DLGAP1: variants seen among roughly 807,000 people sequenced by gnomAD.
DLGAP1 encodes disks large-associated protein 1.
Under a neutral mutation model 90.8 loss-of-function variants are expected in DLGAP1, and 11 were observed. That is an observed-to-expected ratio of 0.12 (90% CI 0.08 to 0.20). The LOEUF is 0.20. Ranked by LOEUF, DLGAP1 falls within the 10% of genes least tolerant of loss-of-function variation. The pLI, the probability that DLGAP1 is intolerant of heterozygous loss-of-function variation, is 1.00. For missense variants in DLGAP1, 1,050 were observed against 1,333.8 expected (o/e 0.79, Z 3.31); for synonymous variants, 558 against 540.7 (o/e 1.03, Z -0.44).
intron 1 of DLGAP1, among the ~76,000 whole-genome samples, chr18:4,328,187 T>C (rs1051510346): frequency 1.3e-5 from 2 of 152,002 alleles, no homozygotes; most frequent in Admixed American, 6.6e-5. Context: ...CTCCCAAGTA[T>C]ATGAGCAACA....
Position 3,880,131 on chromosome 18 carries a change from G to A in DLGAP1, c.-63C>T, listed in dbSNP as rs1195375332. ...GGAAGTCAGGCTCCAGACCCGTCTT[G>A]GGCAGGGATCTGGGGGAATGAAGAA... is the stretch of plus-strand genomic sequence containing the variant. On this transcript the variant is annotated 5_prime_UTR_variant, in exon 4 of 13. It introduces an in-frame stop codon into an upstream open reading frame of the 5' UTR. Coordinates refer to ENST00000315677, the MANE Select transcript of DLGAP1 (RefSeq NM_004746.4). 1.3e-6 allele frequency: 2 copies of A among 1,492,604 alleles called. No homozygotes were observed. The highest frequency in any genetic ancestry group is 2.3e-5 in the East Asian group (1 of 44,108). 92.5% of individuals were successfully genotyped at this position (1,492,604 alleles called of 1,614,324 possible). A position where few individuals can be genotyped will look rare whatever the true frequency, so the allele number is the denominator to read the frequency against.
At chr18:3,552,563 G>A (rs1417609716) in intron 9 of DLGAP1, among the ~76,000 whole-genome samples, 1 of 152,168 alleles carries the variant, frequency 6.6e-6, no homozygotes, top group Non-Finnish European at 1.5e-5. Context: ...CCTGGGGGCT[G>A]AGCGAGCCTA....
chr18:3,699,197 T>C (rs2061195508), intron 7 of DLGAP1, among the ~76,000 whole-genome samples: 1 of 151,948 alleles, frequency 6.6e-6, no homozygotes, highest in Non-Finnish European at 1.5e-5. Flanking sequence ...TGGCGAGGAG[T>C]TGTGATCCTT....
At chr18:4,027,459 T>C (rs1335745757) in intron 2 of DLGAP1, among the ~76,000 whole-genome samples, 1 of 124,462 alleles carries the variant, frequency 8.0e-6, no homozygotes, top group Non-Finnish European at 1.5e-5. Context: ...TGATCCAAGA[T>C]TGCCACTGCA....
At chr18:4,111,709 T>A (rs949862662) in intron 2 of DLGAP1, among the ~76,000 whole-genome samples, 1 of 152,048 alleles carries the variant, frequency 6.6e-6, no homozygotes, top group Non-Finnish European at 1.5e-5. Flanking sequence ...ATCTAAGTTA[T>A]CTAATTTGTG....
intron 5 of DLGAP1, among the ~76,000 whole-genome samples, chr18:3,772,166 CTCCTTCCTTTCTCTCCT>C (rs1381664602): frequency 1.0e-5 from 1 of 96,392 alleles, no homozygotes. Context: ...CTTTCTTTCT[CTCCTTCCTTTCTCTCCT>C]TCCTTCCTTT....
chr18:3,609,215 T>A (rs1424393146), intron 7 of DLGAP1, among the ~76,000 whole-genome samples: 1 of 152,122 alleles, frequency 6.6e-6, no homozygotes, highest in Non-Finnish European at 1.5e-5. Flanking sequence ...AGCCAATTTT[T>A]AAACATTTTT....
At chr18:4,040,859 T>C (rs777171956) in intron 2 of DLGAP1, among the ~76,000 whole-genome samples, 2 of 152,224 alleles carry the variant, frequency 1.3e-5, no homozygotes, top group Non-Finnish European at 2.9e-5. Context: ...CTTCTCCATG[T>C]CAAGAAACAG....
intron 7 of DLGAP1, among the ~76,000 whole-genome samples, chr18:3,611,666 G>GGGCTTGTA (rs1269287576): frequency 6.6e-6 from 1 of 152,144 alleles, no homozygotes; most frequent in Admixed American, 6.5e-5. Context: ...GCGTTTCTCA[G>GGGCTTGTA]GGCTTGTATG....
intron 7 of DLGAP1, among the ~76,000 whole-genome samples, chr18:3,649,165 C>T (rs572175136): frequency 3.9e-5 from 6 of 152,296 alleles, no homozygotes; most frequent in African/African-American, 1.4e-4. Flanking sequence ...TAATAAAACA[C>T]AATTAATATT....
intron 7 of DLGAP1, among the ~76,000 whole-genome samples, chr18:3,627,021 A>C (rs2146113720): frequency 6.6e-6 from 1 of 152,312 alleles, no homozygotes; most frequent in Admixed American, 6.5e-5. Context: ...ATGACATATG[A>C]GTCATATTTC....
At chr18:4,002,948 TG>T (rs1190526425) in intron 3 of DLGAP1, among the ~76,000 whole-genome samples, 5 of 152,178 alleles carry the variant, frequency 3.3e-5, no homozygotes, top group Non-Finnish European at 7.3e-5. Flanking sequence ...GCCACTATCT[TG>T]AGTGTTCTGG....
At chr18:4,441,366 C>T (rs1183569218) in intron 1 of DLGAP1, among the ~76,000 whole-genome samples, 3 of 152,088 alleles carry the variant, frequency 2.0e-5, no homozygotes, top group African/African-American at 7.2e-5. Context: ...ATTTCTCTGA[C>T]AAGTGGGAAG....
At chr18:3,746,332 G>T (rs936691219) in intron 5 of DLGAP1, among the ~76,000 whole-genome samples, 2 of 151,842 alleles carry the variant, frequency 1.3e-5, no homozygotes, top group Non-Finnish European at 2.9e-5. Context: ...AATGTTTTAT[G>T]AATAAAAAAA....
chr18:3,681,155 T>C (rs1314218281), intron 7 of DLGAP1, among the ~76,000 whole-genome samples: 3 of 152,250 alleles, frequency 2.0e-5, no homozygotes, highest in Non-Finnish European at 4.4e-5. Flanking sequence ...GGGCTATGAA[T>C]TGGCATCATC....
At chr18:4,085,174 G>A (rs985950939) in intron 2 of DLGAP1, among the ~76,000 whole-genome samples, 1 of 152,066 alleles carries the variant, frequency 6.6e-6, no homozygotes, top group Non-Finnish European at 1.5e-5. Context: ...AAAGGTAAGG[G>A]GAAATACTAT....
At chr18:4,235,865 G>A (rs748152441) in intron 1 of DLGAP1, among the ~76,000 whole-genome samples, 24 of 151,132 alleles carry the variant, frequency 1.6e-4, no homozygotes, top group Non-Finnish European at 2.7e-4. Context: ...AGCTGGGATT[G>A]CAGGCATGCG....
intron 2 of DLGAP1, among the ~76,000 whole-genome samples, chr18:4,069,026 C>T (rs1313171070): frequency 1.3e-5 from 2 of 152,134 alleles, no homozygotes; most frequent in Middle Eastern, 6.8e-3. Flanking sequence ...TTAGCCTTCT[C>T]AGTTTCAATG....
intron 7 of DLGAP1, among the ~76,000 whole-genome samples, chr18:3,627,941 G>A (rs2146127771): frequency 7.3e-6 from 1 of 136,628 alleles, no homozygotes; most frequent in Non-Finnish European, 1.5e-5. Context: ...GCAATGGGGC[G>A]ATCTCGGCTC....
Sources: gnomAD v4.1 joint callset for allele counts (sites outside exome capture counted in the v4.1 genomes callset) on GRCh38, gnomAD v4.1.1 for gene constraint, MANE v1.5 for transcripts, NCBI Gene and HGNC (gene_info 2026-07-23, HGNC 2026-07-21) for gene names.